SLC22A5: variants seen among roughly 807,000 people sequenced by gnomAD.
SLC22A5 encodes organic cation/carnitine transporter 2.
In SLC22A5, 44 loss-of-function variants were observed where a neutral mutation model predicts 56.7. The observed-to-expected ratio is 0.78, with a 90% CI of 0.61 to 1.00. The LOEUF (loss-of-function observed/expected upper bound fraction) is 1.00. SLC22A5 is among the 50% of genes least tolerant of loss of function. SLC22A5 has a pLI of 0.00. For synonymous variants in SLC22A5, 278 were observed against 292.1 expected, an observed-to-expected ratio of 0.95 and a Z score of 0.49; for missense variants, 675 against 723.0, an observed-to-expected ratio of 0.93 and a Z score of 0.76.
intron 7 of SLC22A5, 51 bp downstream of exon 7, chr5:132,390,955 G>A (rs747591103): frequency 7.1e-7 from 1 of 1,404,972 alleles, no homozygotes; most frequent in Non-Finnish European, 1.0e-6. Flanking sequence ...GTCTCTTACT[G>A]TCTACCAGGC....
intron 6 of SLC22A5, 185 bp from the exon 7 acceptor site, chr5:132,390,505 C>T: frequency 1.5e-6 from 1 of 680,368 alleles, no homozygotes; most frequent in Non-Finnish European, 2.7e-6. Flanking sequence ...CACTGTACCA[C>T]TTGGGCTGGG....
Position 132,387,042 on chromosome 5 carries a change from C to T in SLC22A5, c.842C>T (p.Pro281Leu), listed in dbSNP as rs1064793269. The T allele has an allele frequency of 1.9e-6, 3 of 1,614,136 alleles. No individual in the cohort carries two copies. Among genetic ancestry groups the T allele is most frequent in the Non-Finnish European group, 8.5e-7 (1 of 1,179,980 alleles). Residue 281 changes from proline (P) to leucine (L), a missense_variant, in exon 5 of 10, where the codon CCC becomes CTC. By Grantham distance (98) the Pro-to-Leu change is moderately conservative. Coordinates refer to ENST00000245407, the MANE Select transcript of SLC22A5 (RefSeq NM_003060.4). Reference protein sequence around the residue: ...VALWWFIPESPRWLISQGRFE... With the variant: ...VALWWFIPESLRWLISQGRFE... The stretch of plus-strand genomic sequence containing the variant: ...ACTGCCAGGTTCATCCCTGAGTCCC[C>T]CCGATGGCTCATCTCTCAGGGACGA...
At chr5:132,374,049 C>G (rs1561563838) in intron 1 of SLC22A5, among the ~76,000 whole-genome samples, 2 of 151,952 alleles carry the variant, frequency 1.3e-5, no homozygotes, top group African/African-American at 2.4e-5. Context: ...AACCTCGTAT[C>G]CGCTAAAAAT....
intron 8 of SLC22A5, among the ~76,000 whole-genome samples, chr5:132,393,191 C>G (rs1028524006): frequency 2.0e-5 from 3 of 152,128 alleles, no homozygotes; most frequent in African/African-American, 7.2e-5. Flanking sequence ...AGGGTGGCAC[C>G]CACCTGAGAG....
chr5:132,380,141 T>C (rs2126777689), intron 2 of SLC22A5: 1 of 151,040 alleles, frequency 6.6e-6, no homozygotes, highest in East Asian at 2.0e-4. Context: ...TGAGCGAGAG[T>C]GGGAAGATGA....
In SLC22A5 at chr5:132,384,141, T is replaced by C. The variant is rs2126782125; in HGVS notation, c.498-6T>C. The stretch of plus-strand genomic sequence containing the variant: ...TGGTTATCTGTCACTCTCCTTTTCT[T>C]CCCAGGTTTGGCCGGAAGAATGTGC... On this transcript the variant is annotated splice_polypyrimidine_tract_variant and splice_region_variant and intron_variant, in intron 2 of 9. Coordinates refer to ENST00000245407, the MANE Select transcript of SLC22A5 (RefSeq NM_003060.4). The C allele has an allele frequency of 6.2e-7, 1 of 1,614,174 alleles. No individual in the cohort carries two copies.
chr5:132,378,976 C>A (rs1180002358), intron 2 of SLC22A5: 1 of 185,548 alleles, frequency 5.4e-6, no homozygotes, highest in African/African-American at 2.3e-5. Flanking sequence ...CTTTTGTCCA[C>A]AAGGCTGATG....
rs775097754 is a variant in SLC22A5, at chr5:132,378,362, T to A, written c.394-16T>A. ...AAAAAGAAGTGAATGATACACCCCC[T>A]TTGCTCATCTTGCAGTGGAACCTGG... On this transcript the variant is annotated splice_polypyrimidine_tract_variant and intron_variant, in intron 1 of 9. Transcript: ENST00000245407. 24 of 1,613,198 alleles carry A rather than the reference T, an allele frequency of 1.5e-5. No homozygotes were observed. The highest frequency in any genetic ancestry group is 3.3e-4 in the Middle Eastern group (2 of 6,082).
At chr5:132,373,607 G>A (rs1262885335) in intron 1 of SLC22A5, among the ~76,000 whole-genome samples, 1 of 152,148 alleles carries the variant, frequency 6.6e-6, no homozygotes, top group East Asian at 1.9e-4. Flanking sequence ...CTGCACTCTA[G>A]CCTGGGCGAC....
intron 1 of SLC22A5, among the ~76,000 whole-genome samples, chr5:132,371,196 A>G (rs778060563): frequency 6.6e-5 from 10 of 151,878 alleles, no homozygotes; most frequent in Non-Finnish European, 1.2e-4. Context: ...CGATCTCTTG[A>G]CCTCGTGATC....
intron 8 of SLC22A5, among the ~76,000 whole-genome samples, chr5:132,393,320 C>T (rs1437590375): frequency 6.6e-6 from 1 of 152,194 alleles, no homozygotes; most frequent in Non-Finnish European, 1.5e-5. Context: ...AGAGTTATTT[C>T]CATCCCTGGA....
rs201024237 is a variant in SLC22A5, at chr5:132,378,227, C to G, written c.394-151C>G. 26 of 1,613,900 alleles carry G rather than the reference C, an allele frequency of 1.6e-5. No individual in the cohort carries two copies. The highest frequency in any genetic ancestry group is 1.9e-5 in the Non-Finnish European group (23 of 1,179,814). On this transcript the variant is annotated intron_variant, in intron 1 of 9. Coordinates refer to ENST00000245407, the MANE Select transcript of SLC22A5 (RefSeq NM_003060.4). Reference sequence around the variant, plus strand: ...GGGAAAGAAGCCTGCTCTCTGCCTTCCTGCCCAGGTGAGCCATCACCTGAC... The same window carrying G: ...GGGAAAGAAGCCTGCTCTCTGCCTTGCTGCCCAGGTGAGCCATCACCTGAC...
In SLC22A5 at chr5:132,371,042, C is replaced by T. The variant is rs190140166; in HGVS notation, c.393+677C>T. 1.9e-3 allele frequency among the ~76,000 whole-genome samples: 290 copies of T among 150,798 alleles called. 1 individual carries two copies. Among genetic ancestry groups the T allele is most frequent in the African/African-American group, 6.6e-3 (271 of 41,202 alleles). ...GCTCACTGCAACCTTCGCAGTCGTG[C>T]GTTCTTGGCTCACTGCAATCTTCGC... On this transcript the variant is annotated intron_variant, in intron 1 of 9. Transcript: ENST00000245407.
intron 2 of SLC22A5, chr5:132,379,731 A>T (rs931943056): frequency 7.1e-6 from 1 of 139,894 alleles, no homozygotes; most frequent in Non-Finnish European, 1.6e-5. Context: ...TGATCCACCC[A>T]CCTCGGCCTC....
intron 1 of SLC22A5, chr5:132,377,961 C>T: frequency 1.3e-6 from 1 of 749,722 alleles, no homozygotes; most frequent in Non-Finnish European, 2.1e-6. Flanking sequence ...CCCGTAGAGC[C>T]CCAGAGCCCT....
At chr5:132,375,911 G>A (rs1247155193) in intron 1 of SLC22A5, among the ~76,000 whole-genome samples, 1 of 152,218 alleles carries the variant, frequency 6.6e-6, no homozygotes, top group Non-Finnish European at 1.5e-5. Context: ...GTGATCATCA[G>A]CCAGTATAGC....
chr5:132,390,342 G>T, intron 6 of SLC22A5: 1 of 372,138 alleles, frequency 2.7e-6, no homozygotes, highest in Non-Finnish European at 5.1e-6. Context: ...TGCAGTTGCT[G>T]GATTTGAGGA....
intron 5 of SLC22A5, 91 bp from the exon 6 acceptor site, chr5:132,388,830 G>C (rs1342261708): frequency 3.5e-6 from 3 of 847,124 alleles, no homozygotes; most frequent in Non-Finnish European, 6.2e-6. Context: ...GATGCAGACA[G>C]CTAAGATGCC....
At chr5:132,378,189 T>A in intron 1 of SLC22A5, 189 bp from the exon 2 acceptor site, 1 of 1,604,118 alleles carries the variant, frequency 6.2e-7, no homozygotes, top group Non-Finnish European at 8.5e-7. Flanking sequence ...TACAATGCTA[T>A]GAAAAACAGG....
Sources: allele counts gnomAD v4.1 joint callset (sites outside exome capture counted in the v4.1 genomes callset), GRCh38; gene constraint gnomAD v4.1.1; transcripts MANE v1.5; gene names NCBI Gene and HGNC (gene_info 2026-07-23, HGNC 2026-07-21).